The following KIAA1328 variants were observed in gnomAD, a reference collection of about 807,000 sequenced individuals.
KIAA1328 encodes the protein protein hinderin.
In KIAA1328, 52 loss-of-function variants were observed where a neutral mutation model predicts 68.1. That is an observed-to-expected ratio of 0.76 (90% CI 0.61 to 0.96). The LOEUF (loss-of-function observed/expected upper bound fraction) is 0.96. KIAA1328 is among the 40% of genes least tolerant of loss of function. KIAA1328 has a pLI of 0.00. For missense variants in KIAA1328, 641 were observed against 677.6 expected (o/e 0.95, Z 0.60); for synonymous variants, 232 against 239.4 (o/e 0.97, Z 0.28).
At chr18:36,898,214 A>G (rs998890708) in intron 5 of KIAA1328, among the ~76,000 whole-genome samples, 1 of 151,946 alleles carries the variant, frequency 6.6e-6, no homozygotes, top group African/African-American at 2.4e-5. Flanking sequence ...CTATTTGAAG[A>G]TTTTTGTTGT....
At chr18:36,935,594 T>C (rs1381536236) in intron 5 of KIAA1328, among the ~76,000 whole-genome samples, 1 of 152,212 alleles carries the variant, frequency 6.6e-6, no homozygotes, top group Non-Finnish European at 1.5e-5. Flanking sequence ...TTTGATGTTA[T>C]TGTTGTTTTT....
At chr18:37,024,061 A>G (rs1298804167) in intron 6 of KIAA1328, among the ~76,000 whole-genome samples, 1 of 152,036 alleles carries the variant, frequency 6.6e-6, no homozygotes, top group Non-Finnish European at 1.5e-5. Context: ...AGTTGCATGA[A>G]CACGGCTTAC....
At chr18:37,168,372 GGAA>G (rs1162985508) in intron 8 of KIAA1328, among the ~76,000 whole-genome samples, 1 of 152,174 alleles carries the variant, frequency 6.6e-6, no homozygotes, top group East Asian at 1.9e-4. Flanking sequence ...TGTGTACCTA[GGAA>G]GAAGGAAGGA....
chr18:36,959,409 G>A lies in KIAA1328; in HGVS notation c.550G>A (p.Gly184Ser), dbSNP rs898057513. The A allele has an allele frequency of 6.2e-7, 1 of 1,608,830 alleles. No individual in the cohort carries two copies. Among genetic ancestry groups the A allele is most frequent in the African/African-American group, 1.3e-5 (1 of 74,710 alleles). ...GCTCACCATGTCTCTCTCAGAACTT[G>A]GTGCTGCTAGAATGCAGGAACAGCA... ...EKLTMSLSEL[G>S]AARMQEQQVS... is the part of the protein sequence containing the mutation. Residue 184 changes from glycine (G) to serine (S), a missense_variant, in exon 6 of 10, where the codon GGT becomes AGT. Transcript: ENST00000280020.
intron 5 of KIAA1328, among the ~76,000 whole-genome samples, chr18:36,915,717 A>G (rs1319192786): frequency 6.6e-6 from 1 of 152,106 alleles, no homozygotes; most frequent in African/African-American, 2.4e-5. Flanking sequence ...TGAAATTCTC[A>G]TATGTTGCTC....
chr18:37,033,555 A>G (rs2054914382), intron 6 of KIAA1328, among the ~76,000 whole-genome samples: 1 of 152,192 alleles, frequency 6.6e-6, no homozygotes. Flanking sequence ...ACAAAACTTG[A>G]ACATCTCCTT....
chr18:37,175,276 A>T (rs1243813674), intron 9 of KIAA1328, among the ~76,000 whole-genome samples: 1 of 152,202 alleles, frequency 6.6e-6, no homozygotes, highest in Non-Finnish European at 1.5e-5. Flanking sequence ...TTTAGAGGGA[A>T]GTATGAAAAA....
At chr18:37,216,094 C>T (rs1318152673) in intron 9 of KIAA1328, among the ~76,000 whole-genome samples, 2 of 152,242 alleles carry the variant, frequency 1.3e-5, no homozygotes, top group East Asian at 3.9e-4. Context: ...TTTCAAAAAA[C>T]CAGCTCCTGG....
chr18:36,956,579 G>A, intron 5 of KIAA1328, among the ~76,000 whole-genome samples: 1 of 150,858 alleles, frequency 6.6e-6, no homozygotes, highest in African/African-American at 2.5e-5. Context: ...GCTATATCAA[G>A]AAAGACATTA....
intron 4 of KIAA1328, among the ~76,000 whole-genome samples, chr18:36,852,640 C>T (rs942424898): frequency 1.3e-5 from 2 of 152,152 alleles, no homozygotes; most frequent in African/African-American, 2.4e-5. Flanking sequence ...TACCTTTGCT[C>T]ACTAGAAGCA....
intron 4 of KIAA1328, among the ~76,000 whole-genome samples, chr18:36,863,162 T>A (rs936681142): frequency 2.0e-5 from 3 of 152,140 alleles, no homozygotes; most frequent in Non-Finnish European, 4.4e-5. Flanking sequence ...AGTTTTGAAT[T>A]TAACTAGGTC....
At chr18:37,149,123 C>T (rs956013456) in intron 7 of KIAA1328, among the ~76,000 whole-genome samples, 1 of 152,092 alleles carries the variant, frequency 6.6e-6, no homozygotes, top group Non-Finnish European at 1.5e-5. Context: ...CCAAGACAGT[C>T]CTAAGCAAAA....
intron 7 of KIAA1328, among the ~76,000 whole-genome samples, chr18:37,068,432 T>G (rs2056418888): frequency 6.6e-6 from 1 of 152,212 alleles, no homozygotes; most frequent in African/African-American, 2.4e-5. Flanking sequence ...AAAGATAAAT[T>G]GCTGTTTTAT....
chr18:37,200,736 G>A (rs902184419), intron 9 of KIAA1328, among the ~76,000 whole-genome samples: 19 of 151,402 alleles, frequency 1.3e-4, no homozygotes, highest in African/African-American at 3.9e-4. Context: ...GCGTGAACCC[G>A]GGAAGCGGAG....
Position 37,084,843 on chromosome 18 carries a change from G to A in KIAA1328, c.1232+17298G>A, listed in dbSNP as rs2151812591. Among the ~76,000 whole-genome samples the A allele has an allele frequency of 1.3e-5, 2 of 152,276 alleles. 1 individual carries two copies. Among genetic ancestry groups the A allele is most frequent in the South Asian group, 4.1e-4 (2 of 4,830 alleles). On this transcript the variant is annotated intron_variant, in intron 7 of 9. Transcript: ENST00000280020. ...GATCCTTGATTCACATTGCCAAACT[G>A]TTTTGTGTGATTGCTGGCCTAGCGG...
chr18:37,004,067 G>A (rs1031087911), intron 6 of KIAA1328, among the ~76,000 whole-genome samples: 31 of 151,840 alleles, frequency 2.0e-4, no homozygotes, highest in African/African-American at 7.3e-4. Context: ...TTGTCTATGC[G>A]GGCTCTTTTT....
chr18:36,959,518 C>T, intron 6 of KIAA1328, 83 bp downstream of exon 6: 1 of 1,388,442 alleles, frequency 7.2e-7, no homozygotes, highest in African/African-American at 1.5e-5. Flanking sequence ...ATCTTAATTT[C>T]CTCCCAGTAT....
chr18:36,977,773 A>T (rs2052528073), intron 6 of KIAA1328, among the ~76,000 whole-genome samples: 1 of 151,770 alleles, frequency 6.6e-6, no homozygotes, highest in Non-Finnish European at 1.5e-5. Flanking sequence ...AAGGTTTTTT[A>T]TTTTATTTTA....
downstream of KIAA1328, among the ~76,000 whole-genome samples, chr18:37,226,347 G>A (rs1233055817): frequency 2.0e-5 from 3 of 151,466 alleles, no homozygotes; most frequent in Non-Finnish European, 1.5e-5. Flanking sequence ...CCTATTTAAA[G>A]TGTACAGTTC....
Sources: allele counts gnomAD v4.1 joint callset (sites outside exome capture counted in the v4.1 genomes callset), GRCh38; gene constraint gnomAD v4.1.1; transcripts MANE v1.5; gene names NCBI Gene and HGNC (gene_info 2026-07-23, HGNC 2026-07-21).